The following KIF21A variants were observed in gnomAD, a reference collection of about 807,000 sequenced individuals.
The protein encoded by KIF21A is kinesin family member 21A.
Under a neutral mutation model 202.9 loss-of-function variants are expected in KIF21A, and 114 were observed. The observed-to-expected ratio is 0.56, with a 90% CI of 0.48 to 0.66. The LOEUF is 0.66. Among genes scored for constraint, KIF21A ranks in the 30% least tolerant of loss-of-function variants. The pLI is 0.00. For missense variants in KIF21A, 1,677 were observed against 1,994.9 expected (o/e 0.84, Z 3.04); for synonymous variants, 667 against 670.8 (o/e 0.99, Z 0.09).
At chr12:39,428,819 G>A (rs1020410811) in intron 1 of KIF21A, among the ~76,000 whole-genome samples, 20 of 152,032 alleles carry the variant, frequency 1.3e-4, no homozygotes, top group Non-Finnish European at 2.5e-4. Context: ...TTAGCTGGAC[G>A]TGGTGGCGTA....
At chr12:39,330,067 T>A (rs1197412644) in intron 24 of KIF21A, 175 bp downstream of exon 24, 3 of 564,648 alleles carry the variant, frequency 5.3e-6, no homozygotes, top group Non-Finnish European at 9.6e-6. Flanking sequence ...AAATCAGGAA[T>A]GTTTAATAAA....
intron 34 of KIF21A, among the ~76,000 whole-genome samples, chr12:39,307,111 A>G (rs1373520225): frequency 3.3e-5 from 5 of 152,244 alleles, no homozygotes; most frequent in South Asian, 2.1e-4. Flanking sequence ...CATAGTTTAC[A>G]TATATTTTAT....
At chr12:39,348,719 G>T (rs961779655) in intron 11 of KIF21A, among the ~76,000 whole-genome samples, 2 of 151,668 alleles carry the variant, frequency 1.3e-5, no homozygotes, top group Admixed American at 6.6e-5. Context: ...CAGCTTAGAA[G>T]AGCTGAATCC....
intron 1 of KIF21A, among the ~76,000 whole-genome samples, chr12:39,400,059 C>T (rs1266573782): frequency 1.3e-5 from 2 of 152,166 alleles, no homozygotes; most frequent in South Asian, 2.1e-4. Context: ...TAAGTGAAAA[C>T]ACTAATACAG....
chr12:39,427,641 A>G (rs192100464), intron 1 of KIF21A, among the ~76,000 whole-genome samples: 1 of 152,284 alleles, frequency 6.6e-6, no homozygotes, highest in Admixed American at 6.5e-5. Context: ...ACAAACCACA[A>G]AGATGACTGC....
intron 1 of KIF21A, among the ~76,000 whole-genome samples, chr12:39,426,895 A>G (rs983904627): frequency 2.0e-4 from 30 of 151,732 alleles, no homozygotes; most frequent in African/African-American, 6.3e-4. Flanking sequence ...AAAAAAAAAA[A>G]AAAGAAAAGA....
At chr12:39,398,865 T>C (rs1156732451) in intron 1 of KIF21A, among the ~76,000 whole-genome samples, 1 of 151,604 alleles carries the variant, frequency 6.6e-6, no homozygotes, top group Non-Finnish European at 1.5e-5. Context: ...CAACCAAGGA[T>C]CAAAAATACT....
At chr12:39,325,333 A>ATTAT (rs1945746235) in intron 26 of KIF21A, among the ~76,000 whole-genome samples, 1 of 138,434 alleles carries the variant, frequency 7.2e-6, no homozygotes. Context: ...ACCAAGGAGA[A>ATTAT]TTTTTTTTTT....
In KIF21A at chr12:39,341,091, T is replaced by C. The variant is rs138836723; in HGVS notation, c.1925A>G (p.Asn642Ser). 23 of 1,598,290 alleles carry C rather than the reference T, an allele frequency of 1.4e-5. No homozygotes were observed. The African/African-American group carries it at 2.1e-4, about 15-fold the overall frequency. The change falls in exon 15 of 38, where the codon AAT (asparagine) becomes AGT (serine). Residue 642 changes from asparagine to serine, a missense_variant. This residue lies in a region of KIF21A where 966 missense variants were observed against 1,180.9 expected (regional missense o/e 0.82). Coordinates refer to ENST00000361418, the MANE Select transcript of KIF21A (RefSeq NM_001173464.2). ...AATGTTTGCCAAGTCTGCTTGATAA[T>C]TGGCTATTTATAAAAGAAGAAAATA... Reference protein sequence around the residue: ...ESDSESDEKANYQADLANITC... With the variant: ...ESDSESDEKASYQADLANITC...
At chr12:39,419,938 C>G (rs1422692798) in intron 1 of KIF21A, among the ~76,000 whole-genome samples, 1 of 152,018 alleles carries the variant, frequency 6.6e-6, no homozygotes, top group Non-Finnish European at 1.5e-5. Context: ...AAGACAGGCC[C>G]ATCTCAGAGT....
In KIF21A at chr12:39,351,988, A is replaced by T. The variant is rs1165820513; in HGVS notation, c.1470-8T>A. ...CTTTCTAATAATTTTGCCCTAGCAA[A>T]TAAAAATATATTTAAATAGGGAGCA... On this transcript the variant is annotated splice_polypyrimidine_tract_variant and splice_region_variant and intron_variant, in intron 10 of 37. Transcript: ENST00000361418. The T allele has an allele frequency of 1.6e-5, 25 of 1,594,482 alleles. No individual in the cohort carries two copies. The highest frequency in any genetic ancestry group is 2.2e-5 in the Non-Finnish European group (25 of 1,162,716).
chr12:39,382,096 A>G (rs1387034741), intron 1 of KIF21A, among the ~76,000 whole-genome samples: 5 of 152,188 alleles, frequency 3.3e-5, no homozygotes, highest in African/African-American at 1.2e-4. Flanking sequence ...GTTTCAATTA[A>G]TAGATGTCTG....
At chr12:39,385,350 T>C (rs1950875308) in intron 1 of KIF21A, among the ~76,000 whole-genome samples, 1 of 152,090 alleles carries the variant, frequency 6.6e-6, no homozygotes, top group South Asian at 2.1e-4. Context: ...TATCTTTTAA[T>C]TCATCACTGG....
Position 39,337,144 on chromosome 12 carries a change from T to C in KIF21A, c.2370A>G (p.Arg790=), listed in dbSNP as rs1947049542. 1.9e-6 allele frequency: 3 copies of C among 1,612,786 alleles called. No individual in the cohort carries two copies. The highest frequency in any genetic ancestry group is 1.7e-6 in the Non-Finnish European group (2 of 1,179,600). ...EQEKARLTES[R]RNREIAQLKK... ...TCAACTGAGCAATCTCTCTGTTTCT[T>C]CTAGACTCAGTCAGTCTGGCTTTCT... Residue 790 remains arginine (R), a synonymous_variant, in exon 17 of 38, where the codon AGA becomes AGG. Transcript: ENST00000361418.
chr12:39,337,417 C>T, intron 16 of KIF21A: 1 of 522,994 alleles, frequency 1.9e-6, no homozygotes, highest in Non-Finnish European at 3.4e-6. Context: ...GTATTCTATG[C>T]TTTTTGTATT....
rs771047335 is a variant in KIF21A, at chr12:39,318,208, GA to G, written c.3780-8del. On this transcript the variant is annotated splice_region_variant and splice_polypyrimidine_tract_variant and intron_variant, in intron 28 of 37. Transcript: ENST00000361418. ...TGAAGTTCCAGAATCTGAGCTACAA[GA>G]AAAAAAGAACATTAAGTAGGTGGCT... 2.5e-6 allele frequency: 4 copies of G among 1,612,036 alleles called. No homozygotes were observed. Among genetic ancestry groups the G allele is most frequent in the East Asian group, 2.2e-5 (1 of 44,786 alleles).
intron 36 of KIF21A, among the ~76,000 whole-genome samples, chr12:39,302,089 A>G (rs1184854441): frequency 6.6e-6 from 1 of 152,210 alleles, no homozygotes; most frequent in Non-Finnish European, 1.5e-5. Context: ...TAAACTTTCA[A>G]TAGAGAATAT....
At chr12:39,307,495 C>A (rs1943589322) in intron 34 of KIF21A, 70 bp downstream of exon 34, 1 of 1,453,042 alleles carries the variant, frequency 6.9e-7, no homozygotes, top group Non-Finnish European at 9.7e-7. Context: ...ATTTCACATG[C>A]ACTAATGTTA....
At position 39,336,661 on chromosome 12, in the gene KIF21A, C is replaced by T. The variant is rs577758526; in HGVS notation, c.2418+435G>A. Among the ~76,000 whole-genome samples, 4 of 152,166 alleles carry T rather than the reference C, an allele frequency of 2.6e-5. No individual in the cohort carries two copies. In the South Asian group the frequency reaches 8.3e-4, roughly 32 times the overall value. On this transcript the variant is annotated intron_variant, in intron 17 of 37. Transcript: ENST00000361418. Reference sequence around the variant, plus strand: ...AAGTAGAATCTTGAGTCAAAGGATACAAAAATTTTGATAGTCCTTAGAAAA... The same window carrying T: ...AAGTAGAATCTTGAGTCAAAGGATATAAAAATTTTGATAGTCCTTAGAAAA...
Sources: allele counts gnomAD v4.1 joint callset (sites outside exome capture counted in the v4.1 genomes callset), GRCh38; gene constraint gnomAD v4.1.1; regional missense constraint gnomAD v4.1.1; transcripts MANE v1.5; gene names NCBI Gene and HGNC (gene_info 2026-07-23, HGNC 2026-07-21).